COL22A1: variants seen among roughly 807,000 people sequenced by gnomAD.
The protein encoded by COL22A1 is collagen alpha-1(XXII) chain.
A neutral mutation model predicts 248.9 loss-of-function variants in COL22A1; 221 were observed. The observed-to-expected ratio is 0.89, with a 90% CI of 0.80 to 0.99. The LOEUF (loss-of-function observed/expected upper bound fraction) is 0.99, where lower values mean the gene tolerates loss of function less well. COL22A1 is among the 50% of genes least tolerant of loss of function. The probability of loss-of-function intolerance (pLI) is 0.00; values close to 1 mark genes in which losing one functional copy is unlikely to be tolerated. For missense variants in COL22A1, 2,240 were observed against 2,179.0 expected, an observed-to-expected ratio of 1.03 and a Z score of -0.56; for synonymous variants, 891 against 793.4, an observed-to-expected ratio of 1.12 and a Z score of -2.07.
At chr8:138,642,420 C>G (rs138983402) in intron 47 of COL22A1, among the ~76,000 whole-genome samples, 472 of 152,306 alleles carry the variant, frequency 3.1e-3, no homozygotes, top group African/African-American at 0.01. Flanking sequence ...TGGGGCTCAT[C>G]ATGCAGGGTT....
At chr8:138,750,954 G>A (rs1261168885) in intron 22 of COL22A1, among the ~76,000 whole-genome samples, 1 of 152,080 alleles carries the variant, frequency 6.6e-6, no homozygotes, top group African/African-American at 2.4e-5. Context: ...GAATTTACTG[G>A]TGAATTATAC....
intron 16 of COL22A1, among the ~76,000 whole-genome samples, chr8:138,768,731 T>A (rs768290710): frequency 4.0e-5 from 6 of 151,608 alleles, no homozygotes; most frequent in Non-Finnish European, 7.4e-5. Context: ...AGGTCAGGAG[T>A]TTGAGACCAG....
intron 23 of COL22A1, 78 bp from the exon 24 acceptor site, chr8:138,725,518 C>A: frequency 1.7e-6 from 2 of 1,197,370 alleles, no homozygotes; most frequent in Non-Finnish European, 1.2e-6. Flanking sequence ...TTGAAAGAGG[C>A]AAAGGGAAGG....
intron 52 of COL22A1, among the ~76,000 whole-genome samples, chr8:138,623,048 G>C (rs1394776371): frequency 6.6e-6 from 1 of 151,720 alleles, no homozygotes; most frequent in Non-Finnish European, 1.5e-5. Context: ...GCACAGCTTT[G>C]AAGTCACAGA....
intron 11 of COL22A1, among the ~76,000 whole-genome samples, chr8:138,799,445 A>G (rs890368367): frequency 1.3e-5 from 2 of 152,186 alleles, no homozygotes; most frequent in Non-Finnish European, 2.9e-5. Context: ...CTGGATATTG[A>G]CACTTCCCTT....
At chr8:138,845,326 T>C (rs1821165794) in intron 3 of COL22A1, among the ~76,000 whole-genome samples, 3 of 151,968 alleles carry the variant, frequency 2.0e-5, no homozygotes, top group Admixed American at 1.3e-4. Flanking sequence ...CTGGCCAACA[T>C]GGTGAAACCC....
chr8:138,903,761 G>A (rs896270058), intron 1 of COL22A1, among the ~76,000 whole-genome samples: 4 of 152,172 alleles, frequency 2.6e-5, no homozygotes, highest in African/African-American at 9.7e-5. Context: ...GAGGTGGCAG[G>A]GGACCAGAAT....
chr8:138,672,809 T>C (rs768304771), intron 41 of COL22A1, among the ~76,000 whole-genome samples: 13 of 152,160 alleles, frequency 8.5e-5, no homozygotes, highest in Non-Finnish European at 1.6e-4. Context: ...ACCTGATCCA[T>C]CAGGAAACTG....
At chr8:138,899,673 G>A (rs192962415) in intron 1 of COL22A1, among the ~76,000 whole-genome samples, 117 of 152,056 alleles carry the variant, frequency 7.7e-4, no homozygotes, top group African/African-American at 2.4e-3. Flanking sequence ...ACAGGCATGC[G>A]CCACCATGCC....
intron 1 of COL22A1, among the ~76,000 whole-genome samples, chr8:138,895,691 T>C (rs543775945): frequency 6.6e-6 from 1 of 152,218 alleles, no homozygotes; most frequent in South Asian, 2.1e-4. Flanking sequence ...GCAATATACA[T>C]AACTTTCATA....
chr8:138,836,938 A>G (rs1218297596), intron 4 of COL22A1, among the ~76,000 whole-genome samples: 4 of 152,196 alleles, frequency 2.6e-5, no homozygotes, highest in Non-Finnish European at 5.9e-5. Flanking sequence ...CACACTGGGC[A>G]TCTATTATGT....
At chr8:138,604,068 C>G (rs574646431) in intron 59 of COL22A1, among the ~76,000 whole-genome samples, 4 of 152,166 alleles carry the variant, frequency 2.6e-5, no homozygotes, top group African/African-American at 9.6e-5. Context: ...TTGGCAAAGG[C>G]AATATTTCAG....
intron 23 of COL22A1, among the ~76,000 whole-genome samples, chr8:138,729,744 C>T (rs1049021863): frequency 6.6e-6 from 1 of 152,186 alleles, no homozygotes; most frequent in African/African-American, 2.4e-5. Context: ...AGCCAACCTA[C>T]CCCAGACCCT....
chr8:138,602,201 T>G (rs1457208690), intron 59 of COL22A1, 42 bp from the exon 60 acceptor site: 1 of 1,604,918 alleles, frequency 6.2e-7, no homozygotes, highest in East Asian at 2.2e-5. Context: ...CCGGGCCCTC[T>G]GCACTGGTGT....
At chr8:138,649,640 A>G (rs944223113) in intron 46 of COL22A1, 25 bp downstream of exon 46, 4 of 1,601,462 alleles carry the variant, frequency 2.5e-6, no homozygotes, top group Non-Finnish European at 3.4e-6. Flanking sequence ...AATGATAAAA[A>G]TCGAGTTTCC....
At chr8:138,618,386 C>T (rs1200967285) in intron 53 of COL22A1, among the ~76,000 whole-genome samples, 1 of 152,192 alleles carries the variant, frequency 6.6e-6, no homozygotes, top group African/African-American at 2.4e-5. Flanking sequence ...TCTTTCATTA[C>T]AACTCCCAGT....
intron 13 of COL22A1, among the ~76,000 whole-genome samples, chr8:138,779,958 C>G (rs1363972744): frequency 6.6e-6 from 1 of 152,170 alleles, no homozygotes; most frequent in African/African-American, 2.4e-5. Context: ...GACAGAGTCT[C>G]GCTTTGTTGC....
chr8:138,614,711 G>T (rs1212347375), intron 55 of COL22A1, among the ~76,000 whole-genome samples: 1 of 146,644 alleles, frequency 6.8e-6, no homozygotes, highest in Non-Finnish European at 1.5e-5. Context: ...CAGCTTCTGA[G>T]AAGCCCCTTT....
chr8:138,648,640 A>C (rs1370544846), intron 46 of COL22A1, among the ~76,000 whole-genome samples: 2 of 152,084 alleles, frequency 1.3e-5, no homozygotes, highest in Non-Finnish European at 2.9e-5. Context: ...GTTAGGATCC[A>C]TCTCTGTGAA....
Sources: allele counts gnomAD v4.1 joint callset (sites outside exome capture counted in the v4.1 genomes callset), GRCh38; gene constraint gnomAD v4.1.1; transcripts MANE v1.5; gene names NCBI Gene and HGNC (gene_info 2026-07-23, HGNC 2026-07-21).